Variants in ITSN2 observed in about 807,000 individuals in gnomAD.
ITSN2 encodes intersectin-2.
ITSN2 carries 156 observed loss-of-function variants against 243.7 expected under a neutral mutation model. The ratio of observed to expected loss-of-function variants is 0.64; its 90% CI spans 0.56 to 0.73. The LOEUF is 0.73. Among genes scored for constraint, ITSN2 ranks in the 30% least tolerant of loss-of-function variants. The pLI is 0.00. For missense variants in ITSN2, 1,801 were observed against 1,996.1 expected (o/e 0.90, Z 1.86); for synonymous variants, 703 against 699.9 (o/e 1.00, Z -0.07).
intron 13 of ITSN2, among the ~76,000 whole-genome samples, chr2:24,296,027 T>C (rs908519175): frequency 6.6e-6 from 1 of 152,160 alleles, no homozygotes; most frequent in African/African-American, 2.4e-5. Flanking sequence ...AGCCCATATG[T>C]TAGTATGGGA....
chr2:24,260,245 T>TA (rs1055989783), intron 22 of ITSN2, among the ~76,000 whole-genome samples: 2 of 152,184 alleles, frequency 1.3e-5, no homozygotes, highest in African/African-American at 2.4e-5. Context: ...TTTTTTGACT[T>TA]ATTTTTTCCT....
intron 29 of ITSN2, among the ~76,000 whole-genome samples, chr2:24,221,992 G>A (rs1187083192): frequency 6.6e-6 from 1 of 152,128 alleles, no homozygotes; most frequent in Non-Finnish European, 1.5e-5. Flanking sequence ...CACACCTTTG[G>A]GAGTAATCCC....
chr2:24,237,165 T>C (rs1672256266), intron 29 of ITSN2, among the ~76,000 whole-genome samples: 2 of 152,108 alleles, frequency 1.3e-5, no homozygotes, highest in African/African-American at 4.8e-5. Flanking sequence ...CTAATCTGTT[T>C]TAATTTCTGT....
chr2:24,209,424 G>A (rs957453353), intron 35 of ITSN2, among the ~76,000 whole-genome samples: 7 of 152,214 alleles, frequency 4.6e-5, no homozygotes, highest in African/African-American at 9.7e-5. Flanking sequence ...AGTCATTATC[G>A]AGGTGGGTCA....
intron 20 of ITSN2, among the ~76,000 whole-genome samples, chr2:24,265,264 G>A (rs560359174): frequency 3.9e-5 from 6 of 152,112 alleles, no homozygotes; most frequent in African/African-American, 1.2e-4. Flanking sequence ...CATTTATTTC[G>A]GACTTCAATT....
chr2:24,216,710 T>A (rs542568272), intron 31 of ITSN2, among the ~76,000 whole-genome samples: 1 of 151,196 alleles, frequency 6.6e-6, no homozygotes, highest in African/African-American at 2.4e-5. Context: ...TGAGCTACGA[T>A]CACACCACTG....
At chr2:24,319,381 C>T (rs767248282) in intron 2 of ITSN2, among the ~76,000 whole-genome samples, 50 of 152,170 alleles carry the variant, frequency 3.3e-4, no homozygotes, top group Admixed American at 1.3e-3. Flanking sequence ...TAGCCTTCTT[C>T]TGCAAGAAAA....
At chr2:24,353,460 C>G (rs1688190755) in intron 1 of ITSN2, among the ~76,000 whole-genome samples, 1 of 152,010 alleles carries the variant, frequency 6.6e-6, no homozygotes, top group African/African-American at 2.4e-5. Flanking sequence ...TTAGTTGGTC[C>G]CAGCGGGAGG....
intron 9 of ITSN2, among the ~76,000 whole-genome samples, chr2:24,302,959 C>G (rs1681970935): frequency 6.6e-6 from 1 of 152,166 alleles, no homozygotes; most frequent in Non-Finnish European, 1.5e-5. Context: ...GACACTGTAG[C>G]TGTCATAAAG....
chr2:24,208,840 G>A (rs951373319), intron 36 of ITSN2, among the ~76,000 whole-genome samples: 3 of 152,236 alleles, frequency 2.0e-5, no homozygotes, highest in Admixed American at 6.5e-5. Flanking sequence ...AGGGACTGTA[G>A]CAGGGCCTCA....
intron 29 of ITSN2, among the ~76,000 whole-genome samples, chr2:24,223,906 G>T (rs886187521): frequency 2.6e-5 from 4 of 152,028 alleles, no homozygotes; most frequent in African/African-American, 7.2e-5. Context: ...AGAAAAGAAA[G>T]AAATAAATCA....
intron 1 of ITSN2, among the ~76,000 whole-genome samples, chr2:24,331,564 T>C (rs898602996): frequency 6.6e-6 from 1 of 152,204 alleles, no homozygotes; most frequent in Non-Finnish European, 1.5e-5. Flanking sequence ...TTAACACACA[T>C]GGCCACCTTG....
At chr2:24,207,966 G>A (rs1371964294) in intron 37 of ITSN2, among the ~76,000 whole-genome samples, 1 of 151,948 alleles carries the variant, frequency 6.6e-6, no homozygotes, top group Non-Finnish European at 1.5e-5. Flanking sequence ...TGGAGAGAAA[G>A]GAGTGGAGAA....
chr2:24,331,272 T>C (rs1490989249), intron 1 of ITSN2, among the ~76,000 whole-genome samples: 1 of 144,350 alleles, frequency 6.9e-6, no homozygotes, highest in Admixed American at 6.9e-5. Context: ...GGGGTTTCAC[T>C]ATGTTAGCCA....
intron 29 of ITSN2, chr2:24,239,987 T>C (rs1165280018): frequency 6.6e-6 from 1 of 152,154 alleles, no homozygotes; most frequent in Non-Finnish European, 1.5e-5. Context: ...TGGTTACAGA[T>C]GCTAAACGCT....
intron 1 of ITSN2, among the ~76,000 whole-genome samples, chr2:24,344,479 T>G (rs1051804815): frequency 6.6e-6 from 1 of 152,216 alleles, no homozygotes; most frequent in Admixed American, 6.5e-5. Flanking sequence ...AAATTTTTTC[T>G]AAATTTTCAT....
At chr2:24,356,635 C>T (rs577039004) in intron 1 of ITSN2, among the ~76,000 whole-genome samples, 11 of 152,174 alleles carry the variant, frequency 7.2e-5, no homozygotes, top group East Asian at 1.9e-4. Flanking sequence ...CAATGATGGC[C>T]GGGTGCAGTG....
In ITSN2 at chr2:24,296,488, C is replaced by T. The variant is rs536699860; in HGVS notation, c.1495-684G>A. ...AGAGGTGATTAAGGTTAAACAAAGTCATACAGGTGGACCCTAATCCAATCT... is the reference window on the plus strand; with the variant it reads ...AGAGGTGATTAAGGTTAAACAAAGTTATACAGGTGGACCCTAATCCAATCT... On this transcript the variant is annotated intron_variant, in intron 13 of 39. Coordinates refer to ENST00000355123, the MANE Select transcript of ITSN2 (RefSeq NM_006277.3). Among the ~76,000 whole-genome samples, 3 of 152,244 alleles carry T rather than the reference C, an allele frequency of 2.0e-5. No homozygotes were observed. In the South Asian group the frequency reaches 6.2e-4, roughly 32 times the overall value.
intron 15 of ITSN2, among the ~76,000 whole-genome samples, chr2:24,291,710 G>A (rs770019497): frequency 3.9e-5 from 6 of 151,916 alleles, no homozygotes; most frequent in Middle Eastern, 3.2e-3. Flanking sequence ...GGATGATCTC[G>A]ATCTCTTGAC....
Sources: gnomAD v4.1 joint callset for allele counts (sites outside exome capture counted in the v4.1 genomes callset) on GRCh38, gnomAD v4.1.1 for gene constraint, MANE v1.5 for transcripts, NCBI Gene and HGNC (gene_info 2026-07-23, HGNC 2026-07-21) for gene names.